MED16: variants seen among roughly 807,000 people sequenced by gnomAD.
MED16 encodes the protein mediator complex subunit 16.
A neutral mutation model predicts 84.4 loss-of-function variants in MED16; 81 were observed. The ratio of observed to expected loss-of-function variants is 0.96; its 90% CI spans 0.80 to 1.15. The LOEUF (loss-of-function observed/expected upper bound fraction) is 1.15. Among genes scored for constraint, MED16 ranks in the 50% most tolerant of loss-of-function variants. The pLI is 0.00. For missense variants in MED16, 1,585 were observed against 1,245.9 expected, an observed-to-expected ratio of 1.27 and a Z score of -4.10; for synonymous variants, 897 against 552.2, an observed-to-expected ratio of 1.62 and a Z score of -8.76.
chr19:876,009 G>A (rs145458567), intron 9 of MED16, among the ~76,000 whole-genome samples: 6 of 152,354 alleles, frequency 3.9e-5, no homozygotes, highest in African/African-American at 7.2e-5. Flanking sequence ...GGCCCAAGGA[G>A]GGAGAGGGCG....
intron 10 of MED16, 40 bp downstream of exon 10, chr19:875,204 G>C (rs2036200919): frequency 3.0e-6 from 4 of 1,329,888 alleles, no homozygotes; most frequent in Non-Finnish European, 4.1e-6. Flanking sequence ...ATAAATAGAT[G>C]AAAGAAACCT....
intron 4 of MED16, among the ~76,000 whole-genome samples, chr19:888,806 G>A (rs1406894268): frequency 6.6e-6 from 1 of 152,194 alleles, no homozygotes; most frequent in Non-Finnish European, 1.5e-5. Context: ...TCCCTGGGGA[G>A]GGACTCACGA....
At chr19:889,329 G>A (rs1599345477) in intron 4 of MED16, among the ~76,000 whole-genome samples, 2 of 152,112 alleles carry the variant, frequency 1.3e-5, no homozygotes, top group Non-Finnish European at 2.9e-5. Context: ...AGCTACCTAA[G>A]GACAGTAGCC....
intron 10 of MED16, 78 bp downstream of exon 10, chr19:875,163 CAAA>C: frequency 9.7e-7 from 1 of 1,030,816 alleles, no homozygotes; most frequent in Non-Finnish European, 1.3e-6. Flanking sequence ...GACCCTATCT[CAAA>C]AGAGTAAAAA....
intron 6 of MED16, among the ~76,000 whole-genome samples, chr19:883,433 G>A (rs1418065965): frequency 1.4e-5 from 2 of 146,010 alleles, no homozygotes; most frequent in East Asian, 2.0e-4. Context: ...CACGTGGGGC[G>A]GTGCGTGAAG....
chr19:886,023 A>G lies in MED16; in HGVS notation c.626T>C (p.Leu209Pro), dbSNP rs1247348181. 14 of 1,595,792 alleles carry G rather than the reference A, an allele frequency of 8.8e-6. No individual in the cohort carries two copies. The highest frequency in any genetic ancestry group is 1.7e-5 in the Admixed American group (1 of 59,030). Residue 209 changes from leucine to proline, a missense_variant, in exon 5 of 16, where the codon CTG becomes CCG. Coordinates refer to ENST00000325464, the MANE Select transcript of MED16 (RefSeq NM_005481.3). ...GTCGGCCAGGGCCACGCGGCCGCGCAGCCGGCACAGGCTCTCGGTGGACGT... is the reference window on the plus strand; with the variant it reads ...GTCGGCCAGGGCCACGCGGCCGCGCGGCCGGCACAGGCTCTCGGTGGACGT... The part of the protein sequence containing the change: ...VLTSTESLCR[L>P]RGRVALADIA...
intron 2 of MED16, 34 bp downstream of exon 2, chr19:890,929 G>A (rs1183651935): frequency 1.2e-6 from 2 of 1,603,410 alleles, no homozygotes; most frequent in Admixed American, 1.7e-5. Context: ...ACACCATGCG[G>A]CCGGGAGGGG....
intron 13 of MED16, among the ~76,000 whole-genome samples, chr19:869,242 G>A (rs375461770): frequency 1.1e-4 from 17 of 152,224 alleles, no homozygotes; most frequent in African/African-American, 3.1e-4. Context: ...GGGTCGGTCC[G>A]CCACGTGCCC....
intron 4 of MED16, among the ~76,000 whole-genome samples, chr19:888,694 TAC>T (rs2036572213): frequency 6.6e-6 from 1 of 151,818 alleles, no homozygotes; most frequent in African/African-American, 2.4e-5. Flanking sequence ...AAACAGGAAA[TAC>T]AGACAAACGG....
intron 4 of MED16, among the ~76,000 whole-genome samples, 179 bp from the exon 5 acceptor site, chr19:886,380 C>T (rs1456693463): frequency 6.6e-6 from 1 of 152,192 alleles, no homozygotes; most frequent in African/African-American, 2.4e-5. Flanking sequence ...CCCTCCGTCT[C>T]CTCATCTGTA....
At chr19:888,524 CAAAA>C (rs34583289) in intron 4 of MED16, among the ~76,000 whole-genome samples, 2 of 96,918 alleles carry the variant, frequency 2.1e-5, no homozygotes, top group Non-Finnish European at 2.1e-5. Flanking sequence ...ACTCTGTCTC[CAAAA>C]AAAAAAAAAA....
intron 6 of MED16, among the ~76,000 whole-genome samples, chr19:884,147 T>C (rs1332281292): frequency 1.3e-5 from 2 of 152,098 alleles, no homozygotes; most frequent in Non-Finnish European, 2.9e-5. Flanking sequence ...TTAGCGCTAA[T>C]CGGCAAATGC....
rs1004735489 is a variant in MED16 at position 871,578 on chromosome 19, C to G, written c.2099-325G>C. The G allele has an allele frequency of 5.6e-6, 9 of 1,595,320 alleles. No homozygotes were observed. The African/African-American group carries it at 1.2e-4, about 21-fold the overall frequency. Reference sequence around the variant, plus strand: ...CTCACCCTCCTCACATACACACAACCCGACAAGGAGAGACAGCAAACAGGT... The same window carrying G: ...CTCACCCTCCTCACATACACACAACGCGACAAGGAGAGACAGCAAACAGGT... On this transcript the variant is annotated intron_variant, in intron 12 of 15. Coordinates refer to ENST00000325464, the MANE Select transcript of MED16 (RefSeq NM_005481.3).
intron 3 of MED16, 56 bp downstream of exon 3, chr19:890,081 C>A (rs942081334): frequency 2.2e-6 from 3 of 1,335,008 alleles, no homozygotes; most frequent in Non-Finnish European, 3.1e-6. Context: ...AACACAGGGC[C>A]CCCCTGCTCC....
chr19:871,284 C>T, intron 12 of MED16, 31 bp from the exon 13 acceptor site: 5 of 1,516,554 alleles, frequency 3.3e-6, no homozygotes, highest in Non-Finnish European at 4.4e-6. Context: ...AGTCTCAGCA[C>T]CCCTGACTGG....
chr19:875,148 A>G (rs1046501966), intron 10 of MED16, 96 bp downstream of exon 10: 11 of 850,784 alleles, frequency 1.3e-5, no homozygotes, highest in Non-Finnish European at 1.7e-5. Flanking sequence ...TGGGCAACAG[A>G]GTAAGACCCT....
chr19:871,283 A>G (rs1447877772), intron 12 of MED16, 30 bp from the exon 13 acceptor site: 3 of 1,516,364 alleles, frequency 2.0e-6, no homozygotes, highest in Non-Finnish European at 2.7e-6. Context: ...AAGTCTCAGC[A>G]CCCCTGACTG....
chr19:883,906 T>C (rs915021660), intron 6 of MED16, among the ~76,000 whole-genome samples: 3 of 152,024 alleles, frequency 2.0e-5, no homozygotes, highest in African/African-American at 7.2e-5. Context: ...GGAGAAGGAA[T>C]GGCAGCAGCC....
chr19:878,068 G>A (rs1284010212), intron 8 of MED16, among the ~76,000 whole-genome samples: 2 of 117,828 alleles, frequency 1.7e-5, no homozygotes, highest in Non-Finnish European at 3.4e-5. Context: ...CCTTCCCCTG[G>A]CTGTCAATGC....
Sources: gnomAD v4.1 joint callset for allele counts (sites outside exome capture counted in the v4.1 genomes callset) on GRCh38, gnomAD v4.1.1 for gene constraint, MANE v1.5 for transcripts, NCBI Gene and HGNC (gene_info 2026-07-23, HGNC 2026-07-21) for gene names.